Variants in MYH10 observed in about 807,000 individuals in gnomAD.
The protein encoded by MYH10 is myosin heavy chain 10.
A neutral mutation model predicts 257.8 loss-of-function variants in MYH10; 55 were observed. That is an observed-to-expected ratio of 0.21 (90% CI 0.17 to 0.27). MYH10 has a LOEUF of 0.27. MYH10 is among the 10% of genes least tolerant of loss of function. The pLI is 1.00. For synonymous variants in MYH10, 854 were observed against 921.7 expected, an observed-to-expected ratio of 0.93 and a Z score of 1.33; for missense variants, 1,631 against 2,500.6, an observed-to-expected ratio of 0.65 and a Z score of 7.42.
intron 2 of MYH10, among the ~76,000 whole-genome samples, chr17:8,615,428 A>G (rs1404772645): frequency 6.6e-6 from 1 of 152,222 alleles, no homozygotes; most frequent in Non-Finnish European, 1.5e-5. Flanking sequence ...AAGATGAAAC[A>G]TTTCCCAATT....
intron 3 of MYH10, among the ~76,000 whole-genome samples, chr17:8,603,473 T>C (rs1309052977): frequency 6.6e-6 from 1 of 152,170 alleles, no homozygotes; most frequent in Non-Finnish European, 1.5e-5. Context: ...GAAACTCCCC[T>C]TCTATAGAAT....
At chr17:8,584,072 G>A (rs2083808027) in intron 4 of MYH10, among the ~76,000 whole-genome samples, 1 of 152,178 alleles carries the variant, frequency 6.6e-6, no homozygotes, top group Admixed American at 6.5e-5. Context: ...GGGTGCAAGT[G>A]TGAAAGACCA....
chr17:8,547,399 C>G (rs1049489321), intron 11 of MYH10, among the ~76,000 whole-genome samples: 2 of 152,046 alleles, frequency 1.3e-5, no homozygotes, highest in Non-Finnish European at 2.9e-5. Context: ...GACTGAATGA[C>G]AGATGAATGG....
chr17:8,487,591 G>A lies in MYH10; in HGVS notation c.4888C>T (p.Arg1630Trp), dbSNP rs760846004. Residue 1630 changes from arginine to tryptophan, a missense_variant, in exon 36 of 43, where the codon CGG becomes TGG. Coordinates refer to ENST00000360416, the MANE Select transcript of MYH10 (RefSeq NM_001256012.3). ...EKKRLLIKQV[R>W]ELEAELEDER... ...TCCTCCAGCTCCGCCTCGAGCTCCC[G>A]CACCTAATGGACAACATCGGGTTAT... 3.1e-6 allele frequency: 5 copies of A among 1,614,030 alleles called. No individual in the cohort carries two copies. The highest frequency in any genetic ancestry group is 1.1e-5 in the South Asian group (1 of 91,076).
intron 2 of MYH10, among the ~76,000 whole-genome samples, chr17:8,621,664 T>TG (rs2085472450): frequency 6.6e-6 from 1 of 152,214 alleles, no homozygotes; most frequent in Non-Finnish European, 1.5e-5. Context: ...TCCAACCCTG[T>TG]GGCCTCTTAC....
intron 17 of MYH10, among the ~76,000 whole-genome samples, chr17:8,530,368 TAAG>T (rs1464194938): frequency 2.0e-5 from 3 of 152,162 alleles, no homozygotes; most frequent in Non-Finnish European, 4.4e-5. Flanking sequence ...ATGCATAAAA[TAAG>T]AAGCAATGTG....
chr17:8,623,604 G>T, intron 1 of MYH10: 2 of 154,404 alleles, frequency 1.3e-5, no homozygotes, highest in Non-Finnish European at 2.8e-5. Flanking sequence ...TAAACAGGGA[G>T]TTAAGAAGGG....
At chr17:8,494,443 TCTCA>T (rs1916265164) in intron 31 of MYH10, among the ~76,000 whole-genome samples, 1 of 152,170 alleles carries the variant, frequency 6.6e-6, no homozygotes, top group Admixed American at 6.5e-5. Flanking sequence ...CCTCCTCTAG[TCTCA>T]CTCACCAGGC....
chr17:8,541,479 T>C (rs2082286442), intron 14 of MYH10, among the ~76,000 whole-genome samples: 1 of 152,126 alleles, frequency 6.6e-6, no homozygotes, highest in African/African-American at 2.4e-5. Context: ...CAACACTTGC[T>C]TGAGATCACA....
chr17:8,595,483 A>C (rs2084332511), intron 3 of MYH10, among the ~76,000 whole-genome samples: 1 of 126,832 alleles, frequency 7.9e-6, no homozygotes, highest in Non-Finnish European at 1.5e-5. Context: ...CCCAGGCTGC[A>C]GTGCAATGGC....
chr17:8,579,666 T>C (rs1446424536), intron 4 of MYH10, among the ~76,000 whole-genome samples: 3 of 152,330 alleles, frequency 2.0e-5, no homozygotes, highest in East Asian at 3.9e-4. Context: ...GAATCTTAGG[T>C]ACTCCAATCT....
rs112651469 is a variant in MYH10 at position 8,506,169 on chromosome 17, C to T, written c.3386+149G>A. 98 of 692,760 alleles carry T rather than the reference C, an allele frequency of 1.4e-4. 1 individual carries two copies. Among genetic ancestry groups the T allele is most frequent in the African/African-American group, 1.2e-3 (67 of 54,034 alleles). The allele number at this position is 692,760 out of a possible 1,614,324, so 42.9% of individuals were successfully genotyped here. A position where few individuals can be genotyped will look rare whatever the true frequency, so the allele number is the denominator to read the frequency against. On this transcript the variant is annotated intron_variant, in intron 27 of 42. Coordinates refer to ENST00000360416, the MANE Select transcript of MYH10 (RefSeq NM_001256012.3). This position sits in a 1 kb window ranked among gnomAD's most constrained non-coding sequence, Gnocchi z 5.0. Reference sequence around the variant, plus strand: ...GCTGTCCTGACACAAATTCTGTACGCCTGGGCTTTTCACTTTCTCAGGTCA... The same window carrying T: ...GCTGTCCTGACACAAATTCTGTACGTCTGGGCTTTTCACTTTCTCAGGTCA...
At position 8,587,073 on chromosome 17, in the gene MYH10, G is replaced by A. The variant is rs116329276; in HGVS notation, c.530+2008C>T. On this transcript the variant is annotated intron_variant, in intron 4 of 42. Transcript: ENST00000360416. ...GCTTGCCCTCTTGCTGCTGTTGAAC[G>A]CTGCTACCACGTTAAAAGCCAGGGA... 6.7e-3 allele frequency among the ~76,000 whole-genome samples: 1,024 copies of A among 152,226 alleles called. 14 individuals carry two copies. Among genetic ancestry groups the A allele is most frequent in the African/African-American group, 0.021 (881 of 41,514 alleles).
At chr17:8,494,019 C>G (rs1256483336) in intron 31 of MYH10, 134 bp from the exon 32 acceptor site, 2 of 966,834 alleles carry the variant, frequency 2.1e-6, no homozygotes, top group Non-Finnish European at 3.0e-6. Context: ...TTAACAAACA[C>G]AGATGATTTA....
chr17:8,484,192 T>C lies in MYH10; in HGVS notation c.5121A>G (p.Lys1707=). ...GACTCTTCAATTTCTTTTCACTCTC[T>C]TTGGATTGAGCAAAAATCTCATCTC... The part of the protein sequence containing the change: ...ASRDEIFAQS[K]ESEKKLKSLE... The change falls in exon 37 of 43, where the codon AAA becomes AAG. Residue 1707 remains lysine, a synonymous_variant. Transcript: ENST00000360416. The C allele has an allele frequency of 6.2e-7, 1 of 1,612,644 alleles. No individual in the cohort carries two copies. The highest frequency in any genetic ancestry group is 2.2e-5 in the East Asian group (1 of 44,732).
In MYH10 at chr17:8,490,485, T is replaced by TC. The variant is rs1915598481; in HGVS notation, c.4738dup (p.Glu1580GlyfsTer37). ...GGCCTGGAGTTCGTCTTCCAGCTCC[T>TC]CCAGCTGGGTCCTCATTTCCTCCAC... On this transcript the variant is annotated frameshift_variant, in exon 35 of 43. Transcript: ENST00000360416. LOFTEE classifies it high-confidence loss of function. The surrounding 1 kb of genome is among the most constrained non-coding windows in gnomAD (Gnocchi z 4.1). The TC allele has an allele frequency of 6.2e-7, 1 of 1,614,094 alleles. No homozygotes were observed. Among genetic ancestry groups the TC allele is most frequent in the African/African-American group, 1.3e-5 (1 of 74,924 alleles).
chr17:8,608,068 C>A (rs1004547453), intron 2 of MYH10, among the ~76,000 whole-genome samples: 4 of 151,910 alleles, frequency 2.6e-5, no homozygotes, highest in African/African-American at 9.7e-5. Context: ...CGAGGCAGTG[C>A]GAGAAGACCA....
At chr17:8,620,640 C>T (rs917966330) in intron 2 of MYH10, among the ~76,000 whole-genome samples, 2 of 152,066 alleles carry the variant, frequency 1.3e-5, no homozygotes, top group African/African-American at 4.8e-5. Flanking sequence ...ATTATTGAAC[C>T]TCAACTGATC....
At chr17:8,616,887 A>G (rs934771932) in intron 2 of MYH10, among the ~76,000 whole-genome samples, 3 of 152,190 alleles carry the variant, frequency 2.0e-5, no homozygotes, top group African/African-American at 7.2e-5. Flanking sequence ...ATAAAGCTGT[A>G]ATAAGTAAGA....
Sources: gnomAD v4.1 joint callset for allele counts (sites outside exome capture counted in the v4.1 genomes callset) on GRCh38, gnomAD v4.1.1 for gene constraint, Gnocchi (gnomAD v3.1) non-coding constraint, MANE v1.5 for transcripts, NCBI Gene and HGNC (gene_info 2026-07-23, HGNC 2026-07-21) for gene names.